PDSS2: variants seen among roughly 807,000 people sequenced by gnomAD.
The protein encoded by PDSS2 is decaprenyl diphosphate synthase subunit 2, also known as all trans-polyprenyl-diphosphate synthase PDSS2.
A neutral mutation model predicts 44.5 loss-of-function variants in PDSS2; 31 were observed. The ratio of observed to expected loss-of-function variants is 0.70; its 90% CI spans 0.52 to 0.94. The LOEUF (loss-of-function observed/expected upper bound fraction) is 0.94, where lower values mean the gene tolerates loss of function less well. PDSS2 is among the 40% of genes least tolerant of loss of function. PDSS2 has a pLI of 0.00. For missense variants in PDSS2, 452 were observed against 482.2 expected, an observed-to-expected ratio of 0.94 and a Z score of 0.59; for synonymous variants, 157 against 180.3, an observed-to-expected ratio of 0.87 and a Z score of 1.03.
At chr6:107,386,896 C>G (rs1779628253) in intron 1 of PDSS2, among the ~76,000 whole-genome samples, 1 of 152,118 alleles carries the variant, frequency 6.6e-6, no homozygotes, top group Non-Finnish European at 1.5e-5. Context: ...ATTAAAGAAA[C>G]CACAGAAGTC....
chr6:107,235,969 A>G (rs113971946), intron 4 of PDSS2, among the ~76,000 whole-genome samples: 4 of 152,174 alleles, frequency 2.6e-5, no homozygotes, highest in Non-Finnish European at 5.9e-5. Context: ...GCAGCCTACT[A>G]TGTAATTGAG....
intron 1 of PDSS2, among the ~76,000 whole-genome samples, chr6:107,372,658 T>G (rs548524227): frequency 1.3e-5 from 2 of 152,184 alleles, no homozygotes; most frequent in South Asian, 4.1e-4. Flanking sequence ...TTCACCGTAT[T>G]AGCCAGGATG....
Position 107,154,474 on chromosome 6 carries a change from A to G in PDSS2, c.*145T>C. Reference sequence around the variant, plus strand: ...TTTGTTTGTAGCAGTTCCAAAAAGAAAGCAGAACTCATTTAGCAATGTGAT... The same window carrying G: ...TTTGTTTGTAGCAGTTCCAAAAAGAGAGCAGAACTCATTTAGCAATGTGAT... On this transcript the variant is annotated 3_prime_UTR_variant, in exon 8 of 8. Transcript: ENST00000369037. The G allele has an allele frequency of 1.3e-6, 1 of 770,114 alleles. No homozygotes were observed. The highest frequency in any genetic ancestry group is 2.2e-6 in the Non-Finnish European group (1 of 462,000). 47.7% of individuals were successfully genotyped at this position (770,114 alleles called of 1,614,324 possible). A position where few individuals can be genotyped will look rare whatever the true frequency, so the allele number is the denominator to read the frequency against.
At chr6:107,292,081 TAA>T (rs986958556) in intron 2 of PDSS2, among the ~76,000 whole-genome samples, 4 of 151,814 alleles carry the variant, frequency 2.6e-5, no homozygotes, top group South Asian at 2.1e-4. Context: ...AAGCAGAAAA[TAA>T]AAAGTCTCTG....
intron 1 of PDSS2, among the ~76,000 whole-genome samples, chr6:107,347,256 C>CT (rs35184119): frequency 0.014 from 1,269 of 89,924 alleles, 17 homozygotes; most frequent in African/African-American, 0.016. Flanking sequence ...ATTATATCTT[C>CT]TTTTTTTTTT....
Position 107,237,671 on chromosome 6 carries a change from C to T in PDSS2, c.702+7877G>A, listed in dbSNP as rs188119995. On this transcript the variant is annotated intron_variant, in intron 4 of 7. Transcript: ENST00000369037. ...ATCCCAGCACTTTGGGAGGTCGAGG[C>T]GGGCAGGTCACCTGAGGTCAGGAGT... Among the ~76,000 whole-genome samples, 606 of 149,262 alleles carry T rather than the reference C, an allele frequency of 4.1e-3. 3 individuals are homozygous for T. Among genetic ancestry groups the T allele is most frequent in the African/African-American group, 0.014 (555 of 40,510 alleles).
chr6:107,429,740 T>C (rs1382411556), intron 1 of PDSS2, among the ~76,000 whole-genome samples: 2 of 150,790 alleles, frequency 1.3e-5, no homozygotes, highest in African/African-American at 4.9e-5. Flanking sequence ...CAAAATTAGC[T>C]GGGCGTGGTG....
intron 2 of PDSS2, among the ~76,000 whole-genome samples, chr6:107,333,802 C>T (rs1777786752): frequency 6.6e-6 from 1 of 152,102 alleles, no homozygotes; most frequent in African/African-American, 2.4e-5. Flanking sequence ...TCCTAAAGTG[C>T]TAGAATTACA....
intron 4 of PDSS2, among the ~76,000 whole-genome samples, chr6:107,221,070 C>G (rs147438926): frequency 0.099 from 15,043 of 152,236 alleles, 883 homozygotes; most frequent in South Asian, 0.21. Context: ...AGGACGGGCG[C>G]GGTGGCTCAC....
intron 1 of PDSS2, among the ~76,000 whole-genome samples, chr6:107,432,247 T>C (rs1045847542): frequency 6.6e-6 from 1 of 152,168 alleles, no homozygotes; most frequent in Non-Finnish European, 1.5e-5. Context: ...AAGTAAACCA[T>C]CAACATCTCA....
intron 3 of PDSS2, among the ~76,000 whole-genome samples, chr6:107,268,422 C>G (rs1775481977): frequency 6.6e-6 from 1 of 151,922 alleles, no homozygotes; most frequent in Non-Finnish European, 1.5e-5. Context: ...CAAAAACAAA[C>G]AGCTGATTTT....
chr6:107,321,143 AT>A (rs1777369112), intron 2 of PDSS2, among the ~76,000 whole-genome samples: 1 of 152,216 alleles, frequency 6.6e-6, no homozygotes, highest in African/African-American at 2.4e-5. Flanking sequence ...TAATAATTAT[AT>A]TTCTATATTT....
intron 2 of PDSS2, among the ~76,000 whole-genome samples, chr6:107,316,033 T>C (rs1777187116): frequency 6.6e-6 from 1 of 152,200 alleles, no homozygotes; most frequent in South Asian, 2.1e-4. Flanking sequence ...TAGAACAGTT[T>C]GGATCATGTT....
At chr6:107,255,763 C>G (rs1414752596) in intron 3 of PDSS2, among the ~76,000 whole-genome samples, 1 of 152,160 alleles carries the variant, frequency 6.6e-6, no homozygotes, top group African/African-American at 2.4e-5. Flanking sequence ...TAATTACACA[C>G]AAGGTCTTCC....
At chr6:107,282,284 T>G (rs906848367) in intron 2 of PDSS2, among the ~76,000 whole-genome samples, 1 of 152,128 alleles carries the variant, frequency 6.6e-6, no homozygotes, top group Non-Finnish European at 1.5e-5. Context: ...AACTAAAAAG[T>G]AGGGTTTATA....
At chr6:107,307,996 C>T (rs2430469) in intron 2 of PDSS2, among the ~76,000 whole-genome samples, 81,037 of 152,002 alleles carry the variant, frequency 0.53, 22,841 homozygotes, top group Middle Eastern at 0.72. Flanking sequence ...CAATTTCCCC[C>T]TTTAGAGGCC....
chr6:107,297,602 G>A (rs988655445), intron 2 of PDSS2, among the ~76,000 whole-genome samples: 3 of 151,744 alleles, frequency 2.0e-5, no homozygotes, highest in African/African-American at 4.8e-5. Context: ...GGCTGGTCTC[G>A]AACTCCTGGC....
intron 1 of PDSS2, among the ~76,000 whole-genome samples, chr6:107,348,673 T>C (rs1778329064): frequency 6.6e-6 from 1 of 152,210 alleles, no homozygotes. Flanking sequence ...ACTGAAATGT[T>C]TCCATCAGTA....
chr6:107,225,072 A>C (rs1252506303), intron 4 of PDSS2, among the ~76,000 whole-genome samples: 2 of 145,758 alleles, frequency 1.4e-5, no homozygotes, highest in Non-Finnish European at 3.0e-5. Context: ...TCCCTAGAGC[A>C]AGTGATCCAG....
Sources: allele counts gnomAD v4.1 joint callset (sites outside exome capture counted in the v4.1 genomes callset), GRCh38; gene constraint gnomAD v4.1.1; transcripts MANE v1.5; gene names NCBI Gene and HGNC (gene_info 2026-07-23, HGNC 2026-07-21).